The following DLG1 variants were observed in gnomAD, a reference collection of about 807,000 sequenced individuals.
DLG1 encodes the protein discs large MAGUK scaffold protein 1.
In DLG1, 42 loss-of-function variants were observed where a neutral mutation model predicts 123.4. The observed-to-expected ratio is 0.34, with a 90% CI of 0.27 to 0.44. DLG1 has a LOEUF of 0.44. Among genes scored for constraint, DLG1 ranks in the 20% least tolerant of loss-of-function variants. The pLI, the probability that DLG1 is intolerant of heterozygous loss-of-function variation, is 1.00. For missense variants in DLG1, 942 were observed against 1,082.6 expected (o/e 0.87, Z 1.82); for synonymous variants, 317 against 356.2 (o/e 0.89, Z 1.24).
chr3:197,280,337 T>TTGTG (rs10575004), intron 4 of DLG1, among the ~76,000 whole-genome samples: 2,677 of 149,984 alleles, frequency 0.018, 33 homozygotes, highest in African/African-American at 0.028. Flanking sequence ...GTAGTCCATT[T>TTGTG]TGTGTGTGTG....
At chr3:197,156,722 T>A (rs948986474) in intron 5 of DLG1, among the ~76,000 whole-genome samples, 20 of 152,146 alleles carry the variant, frequency 1.3e-4, no homozygotes, top group Non-Finnish European at 1.5e-5. Flanking sequence ...GTATTATACA[T>A]TAATAAAAGG....
In DLG1 at chr3:197,065,423, A is replaced by G; in HGVS notation, c.2226T>C (p.Tyr742=). The G allele has an allele frequency of 6.2e-7, 1 of 1,610,864 alleles. No homozygotes were observed. The highest frequency in any genetic ancestry group is 8.5e-7 in the Non-Finnish European group (1 of 1,179,060). ...VPHTTRPKRD[Y]EVDGRDYHFV... is the part of the protein sequence containing the mutation. ...AATGATAATCTCTTCCATCTACCTCATAATCTCGTTTTGGTCTAGTTGTAT... is the reference window on the plus strand; with the variant it reads ...AATGATAATCTCTTCCATCTACCTCGTAATCTCGTTTTGGTCTAGTTGTAT... The change falls in exon 22 of 25, where the codon TAT becomes TAC. Residue 742 remains tyrosine (Y), a synonymous_variant. Transcript: ENST00000667157.
intron 5 of DLG1, among the ~76,000 whole-genome samples, chr3:197,176,703 A>G (rs1807282896): frequency 6.6e-6 from 1 of 152,128 alleles, no homozygotes; most frequent in Non-Finnish European, 1.5e-5. Flanking sequence ...CCATGCACAC[A>G]CTGAGGAATA....
At chr3:197,263,015 T>A (rs1213281781) in intron 4 of DLG1, among the ~76,000 whole-genome samples, 1 of 151,448 alleles carries the variant, frequency 6.6e-6, no homozygotes, top group Non-Finnish European at 1.5e-5. Flanking sequence ...CATGAAAGAG[T>A]AAAGCTCATA....
chr3:197,179,878 G>A (rs1336135867), intron 5 of DLG1, among the ~76,000 whole-genome samples: 2 of 152,048 alleles, frequency 1.3e-5, no homozygotes, highest in African/African-American at 4.8e-5. Context: ...CTTGAACAAT[G>A]TTTTCCTATA....
At chr3:197,061,566 C>T (rs965074136) in intron 22 of DLG1, among the ~76,000 whole-genome samples, 4 of 145,384 alleles carry the variant, frequency 2.8e-5, no homozygotes, top group South Asian at 4.6e-4. Flanking sequence ...CCTTAGTCTC[C>T]GTCAATCTGA....
At chr3:197,072,445 A>G (rs949171600) in intron 18 of DLG1, among the ~76,000 whole-genome samples, 2 of 152,094 alleles carry the variant, frequency 1.3e-5, no homozygotes, top group African/African-American at 4.8e-5. Context: ...TTTTCTTTTT[A>G]AACAAAAGTC....
chr3:197,228,535 CTGAA>C (rs1289150786), intron 4 of DLG1, among the ~76,000 whole-genome samples: 2 of 151,994 alleles, frequency 1.3e-5, no homozygotes, highest in Non-Finnish European at 2.9e-5. Context: ...TTTTAGTAAA[CTGAA>C]TGAATGAGTT....
chr3:197,052,118 G>T (rs1728228080), intron 23 of DLG1, among the ~76,000 whole-genome samples: 1 of 152,032 alleles, frequency 6.6e-6, no homozygotes, highest in Non-Finnish European at 1.5e-5. Flanking sequence ...TGGGATTACA[G>T]ATGTGAGCCA....
chr3:197,065,671 A>T, intron 21 of DLG1, 37 bp downstream of exon 21: 4 of 1,396,114 alleles, frequency 2.9e-6, no homozygotes, highest in Non-Finnish European at 4.0e-6. Context: ...GGAAATGTTA[A>T]GAGTAACAAT....
chr3:197,159,228 A>G (rs1797782137), intron 5 of DLG1, among the ~76,000 whole-genome samples: 1 of 152,248 alleles, frequency 6.6e-6, no homozygotes, highest in African/African-American at 2.4e-5. Context: ...ACTCTGTATA[A>G]TAAGCATAAT....
intron 4 of DLG1, among the ~76,000 whole-genome samples, chr3:197,242,181 CTG>C (rs1749253811): frequency 6.6e-6 from 1 of 151,884 alleles, no homozygotes; most frequent in Non-Finnish European, 1.5e-5. Flanking sequence ...AAATCAAAGA[CTG>C]TAAAAAAAAG....
At chr3:197,071,567 T>C (rs112135432) in intron 18 of DLG1, among the ~76,000 whole-genome samples, 15 of 152,310 alleles carry the variant, frequency 9.8e-5, no homozygotes, top group African/African-American at 3.6e-4. Context: ...AATAGCGTCA[T>C]CATAATTGTT....
At chr3:197,117,497 AT>A (rs1216796174) in intron 12 of DLG1, among the ~76,000 whole-genome samples, 1 of 152,238 alleles carries the variant, frequency 6.6e-6, no homozygotes, top group Non-Finnish European at 1.5e-5. Context: ...CAGTATTGTC[AT>A]AAAAACAAAT....
chr3:197,191,849 A>G (rs1719770111), intron 5 of DLG1, among the ~76,000 whole-genome samples: 2 of 152,202 alleles, frequency 1.3e-5, no homozygotes, highest in Non-Finnish European at 2.9e-5. Context: ...CAAGCTAGTA[A>G]TAAGGGAAAG....
At position 197,098,370 on chromosome 3, in the gene DLG1, GA is replaced by G. The variant is rs1476805939; in HGVS notation, c.1546+6532del. On this transcript the variant is annotated intron_variant, in intron 14 of 24. Coordinates refer to ENST00000667157, the MANE Select transcript of DLG1 (RefSeq NM_001366207.1). ...GAACACATTACTTTTTAGTGATGCA[GA>G]AAAATATTCTTTCTTAATGAGTAAC... Among the ~76,000 whole-genome samples, 2 of 152,128 alleles carry G rather than the reference GA, an allele frequency of 1.3e-5. 1 individual carries two copies. Among genetic ancestry groups the G allele is most frequent in the Non-Finnish European group, 2.9e-5 (2 of 68,008 alleles).
chr3:197,296,984 TA>T, intron 2 of DLG1: 9 of 608,488 alleles, frequency 1.5e-5, no homozygotes, highest in Non-Finnish European at 2.6e-5. Context: ...TCTTAATCAC[TA>T]GAGAAATGTT....
At chr3:197,140,335 G>A (rs961681129) in intron 7 of DLG1, 71 bp from the exon 8 acceptor site, 40 of 1,502,380 alleles carry the variant, frequency 2.7e-5, no homozygotes, top group Non-Finnish European at 3.6e-5. Flanking sequence ...GTCATTAAAG[G>A]ACGCAGAAAC....
At chr3:197,267,245 T>C (rs988665323) in intron 4 of DLG1, among the ~76,000 whole-genome samples, 1 of 152,132 alleles carries the variant, frequency 6.6e-6, no homozygotes, top group Non-Finnish European at 1.5e-5. Context: ...ACAGGTCAAA[T>C]AGTTGCCAAG....
Sources: gnomAD v4.1 joint callset for allele counts (sites outside exome capture counted in the v4.1 genomes callset) on GRCh38, gnomAD v4.1.1 for gene constraint, MANE v1.5 for transcripts, NCBI Gene and HGNC (gene_info 2026-07-23, HGNC 2026-07-21) for gene names.